Variants in LINC00632 observed in about 807,000 individuals in gnomAD.
LINC00632 encodes ALDOA related specific transcript.
intron 3 of LINC00632, among the ~76,000 whole-genome samples, chrX:140,769,717 G>C (rs969606581): frequency 3.6e-5 from 4 of 110,551 alleles, no homozygotes; most frequent in Admixed American, 2.9e-4. Context: ...CACTTCAGCC[G>C]TCCTTTGTTT....
At chrX:140,788,882 CAT>C (rs1484054591) in exon 5 of LINC00632, among the ~76,000 whole-genome samples, 2 of 59,107 alleles carry the variant, frequency 3.4e-5, no homozygotes, top group Non-Finnish European at 6.6e-5. Flanking sequence ...TATATATACA[CAT>C]ATATACACAT....
At chrX:140,725,785 C>G (rs1930950633) in intron 2 of LINC00632, among the ~76,000 whole-genome samples, 1 of 111,867 alleles carries the variant, frequency 8.9e-6, no homozygotes, top group Non-Finnish European at 1.9e-5. Flanking sequence ...ATGTGGCCCA[C>G]AACCACAGAT....
chrX:140,722,413 C>A (rs747088363), intron 2 of LINC00632, among the ~76,000 whole-genome samples: 9 of 108,934 alleles, frequency 8.3e-5, no homozygotes, highest in Non-Finnish European at 1.7e-4. Context: ...TCACCCGAAT[C>A]TGTTACAAAG....
chrX:140,714,850 A>AC (rs1325182056), intron 2 of LINC00632: 1 of 106,102 alleles, frequency 9.4e-6, no homozygotes, highest in African/African-American at 3.6e-5. Context: ...AAAAAAAAAA[A>AC]CAACCCAGCA....
At chrX:140,724,463 G>A (rs1930870506) in intron 2 of LINC00632, among the ~76,000 whole-genome samples, 1 of 20,362 alleles carries the variant, frequency 4.9e-5, no homozygotes, top group Non-Finnish European at 1.0e-4. Flanking sequence ...CACACACAGA[G>A]GCATATTCCA....
chrX:140,761,590 A>G (rs1931594651), intron 3 of LINC00632, among the ~76,000 whole-genome samples: 2 of 113,003 alleles, frequency 1.8e-5, no homozygotes, highest in African/African-American at 6.4e-5. Flanking sequence ...TGTCTTAATC[A>G]GAAAAGGATT....
intron 2 of LINC00632, among the ~76,000 whole-genome samples, chrX:140,726,485 A>G (rs185455778): frequency 8.9e-6 from 1 of 111,974 alleles, no homozygotes; most frequent in East Asian, 2.8e-4. Flanking sequence ...AACCCACCCC[A>G]GAACACATGC....
intron 2 of LINC00632, among the ~76,000 whole-genome samples, chrX:140,719,360 A>G (rs1246974496): frequency 9.1e-6 from 1 of 109,839 alleles, no homozygotes; most frequent in Non-Finnish European, 1.9e-5. Flanking sequence ...GTGCGGTGGC[A>G]TGATCTCAGA....
At chrX:140,751,473 GC>G (rs1383783311) in intron 3 of LINC00632, among the ~76,000 whole-genome samples, 1 of 110,793 alleles carries the variant, frequency 9.0e-6, no homozygotes, top group African/African-American at 3.3e-5. Context: ...AAAGCAAGAT[GC>G]ATATGATATA....
At chrX:140,744,068 G>A (rs1285967449) in intron 3 of LINC00632, among the ~76,000 whole-genome samples, 2 of 111,345 alleles carry the variant, frequency 1.8e-5, no homozygotes, top group African/African-American at 6.5e-5. Context: ...AGAATGCAAG[G>A]GTAAGGTAGG....
chrX:140,719,119 T>C, intron 2 of LINC00632, among the ~76,000 whole-genome samples: 1 of 112,020 alleles, frequency 8.9e-6, no homozygotes, highest in East Asian at 2.8e-4. Flanking sequence ...AATACTGTCT[T>C]CCCTATACAA....
At chrX:140,726,878 AAC>A (rs753391193) in intron 2 of LINC00632, among the ~76,000 whole-genome samples, 4 of 111,848 alleles carry the variant, frequency 3.6e-5, no homozygotes, top group Admixed American at 9.6e-5. Flanking sequence ...CACATTCTCA[AAC>A]ACAGACTTGC....
chrX:140,745,849 A>G lies in LINC00632; in HGVS notation n.191+11885A>G, dbSNP rs1237160443. Among the ~76,000 whole-genome samples the G allele has an allele frequency of 4.5e-5, 5 of 112,063 alleles. No individual in the cohort carries two copies. In the East Asian group the frequency reaches 1.4e-3, roughly 32 times the overall value. ...TGCTGCCTGGGACCAGGCCCAAGAA[A>G]ATATGGAAAAATGCAACTTACATAA... is the stretch of plus-strand genomic sequence containing the variant. On this transcript the variant is annotated intron_variant and non_coding_transcript_variant, in intron 3 of 4. Transcript: ENST00000648200.
At chrX:140,789,517 A>AT (rs1449391231) in exon 5 of LINC00632, among the ~76,000 whole-genome samples, 1 of 111,584 alleles carries the variant, frequency 9.0e-6, no homozygotes, top group African/African-American at 3.2e-5. Flanking sequence ...CATCTTTACA[A>AT]TTTTTTTGCA....
chrX:140,783,216 G>T lies in LINC00632; in HGVS notation n.11235G>T, dbSNP rs754978282. 7 of 200,575 alleles carry T rather than the reference G, an allele frequency of 3.5e-5. No individual in the cohort carries two copies. The South Asian group carries it at 1.0e-3, about 29-fold the overall frequency. The allele number at this position is 200,575 out of a possible 1,213,427, so 16.5% of individuals were successfully genotyped here. ...TGTGTCAAGGTCTTCCAACAACTCC[G>T]GGTCTTCCAGCGACTTCAAGTCTTC... On this transcript the variant is annotated non_coding_transcript_exon_variant, in exon 5 of 5. Transcript: ENST00000648200.
intron 3 of LINC00632, chrX:140,771,999 C>G (rs953043536): frequency 1.2e-5 from 3 of 247,932 alleles, no homozygotes; most frequent in Admixed American, 1.4e-4. Flanking sequence ...ATTTTTATTA[C>G]TCCAAATTTA....
At chrX:140,713,439 G>A (rs1930559226) in intron 2 of LINC00632, 1 of 296,595 alleles carries the variant, frequency 3.4e-6, no homozygotes, top group African/African-American at 2.8e-5. Context: ...ATGTAAAATG[G>A]GGATGCTAAC....
chrX:140,747,422 C>T (rs1242711940), intron 3 of LINC00632, among the ~76,000 whole-genome samples: 3 of 105,908 alleles, frequency 2.8e-5, no homozygotes, highest in African/African-American at 1.0e-4. Flanking sequence ...CCCGGCTACT[C>T]GGGAGATTGA....
At chrX:140,728,577 G>T (rs746707478) in intron 2 of LINC00632, among the ~76,000 whole-genome samples, 15 of 110,610 alleles carry the variant, frequency 1.4e-4, no homozygotes, top group Non-Finnish European at 2.6e-4. Context: ...ACCCCACGAG[G>T]TACCCTTGAC....
Sources: gnomAD v4.1 joint callset for allele counts (sites outside exome capture counted in the v4.1 genomes callset) on GRCh38, gnomAD v4.1.1 for gene constraint, MANE v1.5 for transcripts, NCBI Gene and HGNC (gene_info 2026-07-23, HGNC 2026-07-21) for gene names.